ANKDD1B: variants seen among roughly 807,000 people sequenced by gnomAD.
ANKDD1B encodes the protein ankyrin repeat and death domain-containing protein 1B.
ANKDD1B carries 57 observed loss-of-function variants against 59.7 expected under a neutral mutation model. That is an observed-to-expected ratio of 0.95 (90% CI 0.77 to 1.19). The LOEUF (loss-of-function observed/expected upper bound fraction) is 1.19, where lower values mean the gene tolerates loss of function less well. Among genes scored for constraint, ANKDD1B ranks in the 50% most tolerant of loss-of-function variants. ANKDD1B has a pLI of 0.00. For synonymous variants in ANKDD1B, 216 were observed against 239.5 expected (o/e 0.90, Z 0.91); for missense variants, 602 against 641.9 (o/e 0.94, Z 0.67).
At chr5:75,638,323 C>T (rs1035388954) in intron 7 of ANKDD1B, among the ~76,000 whole-genome samples, 3 of 152,154 alleles carry the variant, frequency 2.0e-5, no homozygotes, top group South Asian at 2.1e-4. Context: ...GTTTCATTTG[C>T]ACAAAATTAA....
intron 10 of ANKDD1B, among the ~76,000 whole-genome samples, chr5:75,659,698 G>A: frequency 6.6e-6 from 1 of 151,976 alleles, no homozygotes; most frequent in South Asian, 2.1e-4. Flanking sequence ...GTTCCTACTT[G>A]TCTGGTTACC....
intron 7 of ANKDD1B, among the ~76,000 whole-genome samples, chr5:75,650,029 C>T (rs1420521910): frequency 6.6e-6 from 1 of 152,298 alleles, no homozygotes; most frequent in African/African-American, 2.4e-5. Context: ...GGTTACCATA[C>T]ACATTTACTG....
intron 11 of ANKDD1B, 98 bp downstream of exon 11, chr5:75,663,587 G>A (rs1775221787): frequency 4.2e-6 from 4 of 960,154 alleles, no homozygotes; most frequent in Admixed American, 2.0e-5. Flanking sequence ...TTGCTCTAAT[G>A]AGCAGAGCTC....
chr5:75,668,800 G>C (rs1775385826), intron 12 of ANKDD1B, among the ~76,000 whole-genome samples: 1 of 152,194 alleles, frequency 6.6e-6, no homozygotes, highest in Admixed American at 6.5e-5. Context: ...GTGCATGCTT[G>C]CTGCTCAGAG....
intron 5 of ANKDD1B, among the ~76,000 whole-genome samples, chr5:75,634,413 G>A (rs1774243748): frequency 6.6e-6 from 1 of 152,112 alleles, no homozygotes. Flanking sequence ...AGAAAGGAAG[G>A]CCTAAGGAGA....
Position 75,611,581 on chromosome 5 carries a change from G to C in ANKDD1B, c.-54G>C. On this transcript the variant is annotated 5_prime_UTR_variant, in exon 1 of 14. Transcript: ENST00000601380. ...GGATCTGTGTCCGAGTCTGGGTCTGGATCTGGGTCCGAGTCTGGGTCTGGC... is the reference window on the plus strand; with the variant it reads ...GGATCTGTGTCCGAGTCTGGGTCTGCATCTGGGTCCGAGTCTGGGTCTGGC... 1 of 1,086,464 alleles carries C rather than the reference G, an allele frequency of 9.2e-7. No homozygotes were observed. Among genetic ancestry groups the C allele is most frequent in the Non-Finnish European group, 1.1e-6 (1 of 874,176 alleles). 67.3% of individuals were successfully genotyped at this position (1,086,464 alleles called of 1,614,324 possible). A position where few individuals can be genotyped will look rare whatever the true frequency, so the allele number is the denominator to read the frequency against.
intron 1 of ANKDD1B, among the ~76,000 whole-genome samples, chr5:75,614,143 A>G (rs1581125650): frequency 6.6e-6 from 1 of 152,174 alleles, no homozygotes; most frequent in Non-Finnish European, 1.5e-5. Flanking sequence ...GGCAGAAGAC[A>G]CTTCTGGATC....
At chr5:75,617,864 A>C (rs999869067) in intron 2 of ANKDD1B, among the ~76,000 whole-genome samples, 1 of 152,206 alleles carries the variant, frequency 6.6e-6, no homozygotes, top group African/African-American at 2.4e-5. Context: ...AAGGTCCTAG[A>C]AACTGAAGCT....
At position 75,635,813 on chromosome 5, in the gene ANKDD1B, G is replaced by A. The variant is rs560596864; in HGVS notation, c.729G>A (p.Ala243=). The change falls in exon 7 of 14, where the codon GCG becomes GCA. Residue 243 remains alanine (A), a synonymous_variant. Transcript: ENST00000601380. The part of the protein sequence containing the change: ...KGGNTALHLA[A]KHGHSPAVQV... ...GAAACACTGCCTTGCACCTCGCTGCGAAGCATGGTCACAGTCCTGCAGTGC... is the reference window on the plus strand; with the variant it reads ...GAAACACTGCCTTGCACCTCGCTGCAAAGCATGGTCACAGTCCTGCAGTGC... The A allele has an allele frequency of 1.8e-4, 281 of 1,533,220 alleles. No homozygotes were observed. Among genetic ancestry groups the A allele is most frequent in the African/African-American group, 1.2e-3 (88 of 73,060 alleles). The allele number at this position is 1,533,220 out of a possible 1,614,324, so 95.0% of individuals were successfully genotyped here. A position where few individuals can be genotyped will look rare whatever the true frequency, so the allele number is the denominator to read the frequency against.
intron 5 of ANKDD1B, among the ~76,000 whole-genome samples, chr5:75,627,736 C>A (rs966196263): frequency 1.3e-5 from 2 of 152,166 alleles, no homozygotes; most frequent in African/African-American, 2.4e-5. Flanking sequence ...GTTATTTTCC[C>A]CTTCAATGTG....
intron 5 of ANKDD1B, 29 bp from the exon 6 acceptor site, chr5:75,634,869 A>C: frequency 7.2e-7 from 1 of 1,387,892 alleles, no homozygotes; most frequent in Non-Finnish European, 9.9e-7. Context: ...GACTGTAATA[A>C]ATGCTTGAGG....
At chr5:75,659,231 C>T (rs1775051736) in intron 9 of ANKDD1B, 52 bp from the exon 10 acceptor site, 9 of 1,333,836 alleles carry the variant, frequency 6.7e-6, no homozygotes, top group Middle Eastern at 1.8e-4. Flanking sequence ...GCTATACTTT[C>T]CATTTGTCTT....
At chr5:75,637,954 A>C (rs1011349827) in intron 7 of ANKDD1B, among the ~76,000 whole-genome samples, 1 of 152,218 alleles carries the variant, frequency 6.6e-6, no homozygotes, top group African/African-American at 2.4e-5. Flanking sequence ...AATGTAATGC[A>C]TGTGCTCAAA....
rs373577881 is a variant in ANKDD1B at position 75,614,610 on chromosome 5, A to G, written c.194-2194A>G. On this transcript the variant is annotated intron_variant, in intron 1 of 13. Transcript: ENST00000601380. ...ACATGGCTTCCAGTGTTGATAAGGC[A>G]GGGAAAAGAGACCTAGAGGGTGACA... 1.7e-3 allele frequency among the ~76,000 whole-genome samples: 262 copies of G among 152,302 alleles called. 1 individual carries two copies. The highest frequency in any genetic ancestry group is 6.0e-3 in the African/African-American group (250 of 41,572).
At chr5:75,618,649 G>A (rs193281754) in intron 2 of ANKDD1B, among the ~76,000 whole-genome samples, 141 of 152,260 alleles carry the variant, frequency 9.3e-4, no homozygotes, top group Admixed American at 1.2e-3. Context: ...TTATTCACAA[G>A]TAAAATTAAT....
chr5:75,634,941 T>C lies in ANKDD1B; in HGVS notation c.644T>C (p.Val215Ala). 2 of 1,535,936 alleles carry C rather than the reference T, an allele frequency of 1.3e-6. No individual in the cohort carries two copies. Among genetic ancestry groups the C allele is most frequent in the East Asian group, 4.9e-5 (2 of 40,904 alleles). Residue 215 changes from valine to alanine, a missense_variant, in exon 6 of 14, where the codon GTT (valine) becomes GCT (alanine). Coordinates refer to ENST00000601380, the MANE Select transcript of ANKDD1B (RefSeq NM_001276713.2). ...PFLLAAERGHVEMIEKLTFLN... is the reference protein window; with the variant it reads ...PFLLAAERGHAEMIEKLTFLN... ...CTTTTGGCAGCTGAGAGGGGCCATG[T>C]TGAAATGATAGAAAAACTTACCTTC... is the stretch of plus-strand genomic sequence containing the variant.
Position 75,625,953 on chromosome 5 carries a change from G to A in ANKDD1B, c.598G>A (p.Glu200Lys). Residue 200 changes from glutamate to lysine, a missense_variant and splice_region_variant, in exon 5 of 14, where the codon GAG becomes AAG. Transcript: ENST00000601380. ...LHLKDLNQPD[E>K]KGRKPFLLAA... is the part of the protein sequence containing the mutation. ...CCTCAAGGACCTGAACCAGCCTGAT[G>A]AGGTGTGTTCACTTTGGTTGTGTAG... The A allele has an allele frequency of 1.3e-6, 2 of 1,533,788 alleles. No homozygotes were observed. Among genetic ancestry groups the A allele is most frequent in the South Asian group, 1.2e-5 (1 of 84,002 alleles).
intron 5 of ANKDD1B, chr5:75,634,602 G>A (rs6893981): frequency 0.022 from 5,436 of 248,554 alleles, 282 homozygotes; most frequent in African/African-American, 0.11. Context: ...ATTTAAAAGG[G>A]AATCTTGTCA....
rs1774393496 is a variant in ANKDD1B at position 75,639,137 on chromosome 5, ATCTATTT to A, written c.798+3258_798+3264del. ...TTCCCACTGGGACTTGTCTTTTTGC[ATCTATTT>A]TCCTGGAAAAATGAGAAGAAAGATT... On this transcript the variant is annotated intron_variant, in intron 7 of 13. Coordinates refer to ENST00000601380, the MANE Select transcript of ANKDD1B (RefSeq NM_001276713.2). Among the ~76,000 whole-genome samples the A allele has an allele frequency of 2.6e-5, 4 of 152,140 alleles. No individual in the cohort carries two copies. The South Asian group carries it at 6.2e-4, about 24-fold the overall frequency.
Sources: gnomAD v4.1 joint callset for allele counts (sites outside exome capture counted in the v4.1 genomes callset) on GRCh38, gnomAD v4.1.1 for gene constraint, MANE v1.5 for transcripts, NCBI Gene and HGNC (gene_info 2026-07-23, HGNC 2026-07-21) for gene names.